The following PRCD variants were observed in gnomAD, a reference collection of about 807,000 sequenced individuals.
PRCD encodes the protein photoreceptor disk component PRCD.
Under a neutral mutation model 10.1 loss-of-function variants are expected in PRCD, and 12 were observed. That is an observed-to-expected ratio of 1.18 (90% CI 0.76 to 1.92). PRCD has a LOEUF of 1.92. PRCD is among the 40% of genes most tolerant of loss of function. PRCD has a pLI of 0.00. For missense variants in PRCD, 61 were observed against 72.2 expected, an observed-to-expected ratio of 0.84 and a Z score of 0.56; for synonymous variants, 31 against 26.2, an observed-to-expected ratio of 1.18 and a Z score of -0.56.
chr17:76,550,756 C>T (rs1346122561), intron 1 of PRCD: 1 of 152,206 alleles, frequency 6.6e-6, no homozygotes, highest in Non-Finnish European at 1.5e-5. Context: ...GCTTGTTTTG[C>T]TCACCATCTA....
At chr17:76,549,170 A>AG (rs1396352070), downstream of PRCD, among the ~76,000 whole-genome samples, 2 of 152,256 alleles carry the variant, frequency 1.3e-5, no homozygotes, top group African/African-American at 4.8e-5. Context: ...TGGAAAGACT[A>AG]GGAGTAAATA....
At chr17:76,542,448 A>G (rs1266789777) in intron 2 of PRCD, 105 bp from the exon 3 acceptor site, 9 of 1,342,426 alleles carry the variant, frequency 6.7e-6, no homozygotes, top group African/African-American at 5.7e-5. Context: ...CTGCCCCTCA[A>G]TATTGGGGTG....
chr17:76,543,167 C>G (rs1259829255), intron 4 of PRCD, 46 bp downstream of exon 4: 1 of 461,404 alleles, frequency 2.2e-6, no homozygotes, highest in Non-Finnish European at 4.5e-6. Flanking sequence ...CTCCCCTTCC[C>G]CCAGGCCCTG....
chr17:76,551,793 G>A (rs1479123356), intron 1 of PRCD: 3 of 152,086 alleles, frequency 2.0e-5, no homozygotes, highest in African/African-American at 7.2e-5. Flanking sequence ...AACATGGCAT[G>A]GTGGCTGAGA....
intron 1 of PRCD, among the ~76,000 whole-genome samples, chr17:76,534,659 C>G (rs900072002): frequency 2.6e-5 from 4 of 152,216 alleles, no homozygotes; most frequent in African/African-American, 7.2e-5. Context: ...TCCAAGATTG[C>G]CCAACAAAGT....
intron 1 of PRCD, among the ~76,000 whole-genome samples, chr17:76,534,098 TTTTTC>T (rs1308189449): frequency 1.1e-3 from 5 of 4,538 alleles, no homozygotes; most frequent in South Asian, 0.056. Context: ...ACCTTTTTTC[TTTTTC>T]TTTCTTTCTT....
intron 1 of PRCD, chr17:76,529,700 C>T: frequency 1.0e-6 from 1 of 985,390 alleles, no homozygotes; most frequent in African/African-American, 1.7e-5. Context: ...TTTCCCTGGA[C>T]CCTCTGGGTG....
At chr17:76,527,945 C>T (rs925479038) in intron 1 of PRCD, 7 of 387,162 alleles carry the variant, frequency 1.8e-5, no homozygotes, top group South Asian at 1.1e-4. Flanking sequence ...GCCGCCAAGC[C>T]GGGTTGCCCC....
downstream of PRCD, chr17:76,547,256 G>A (rs2075060868): frequency 6.6e-6 from 1 of 152,462 alleles, no homozygotes; most frequent in Admixed American, 6.5e-5. Flanking sequence ...GACAGACAGC[G>A]AGGTCATCAC....
downstream of PRCD, chr17:76,546,576 C>T (rs1045043252): frequency 2.6e-5 from 4 of 152,030 alleles, no homozygotes; most frequent in Admixed American, 6.6e-5. This position sits in a 1 kb window ranked among gnomAD's most constrained non-coding sequence, Gnocchi z 4.5. Flanking sequence ...AGAGAGCAAA[C>T]CCTGCTGGTT....
downstream of PRCD, among the ~76,000 whole-genome samples, chr17:76,549,223 C>A (rs1239408427): frequency 6.6e-6 from 1 of 152,168 alleles, no homozygotes; most frequent in African/African-American, 2.4e-5. Context: ...ATCCGGAATA[C>A]ATAAAGAACT....
At position 76,540,283 on chromosome 17, in the gene PRCD, C is replaced by A; in HGVS notation, c.74+68C>A. The A allele has an allele frequency of 6.8e-7, 1 of 1,474,242 alleles. No individual in the cohort carries two copies. The highest frequency in any genetic ancestry group is 9.3e-7 in the Non-Finnish European group (1 of 1,079,772). 91.3% of individuals were successfully genotyped at this position (1,474,242 alleles called of 1,614,324 possible). ...GGGGGGCATGGGGCTGGGCTGCCAC[C>A]AAGCTGAAGGTGGGCAGGGGCTGCG... On this transcript the variant is annotated intron_variant, in intron 1 of 4. Coordinates refer to ENST00000592014, the MANE Select transcript of PRCD (RefSeq NM_001077620.3). This position sits in a 1 kb window ranked among gnomAD's most constrained non-coding sequence, Gnocchi z 5.0.
At chr17:76,539,192 GC>G (rs902670163), upstream of PRCD, among the ~76,000 whole-genome samples, 3 of 152,208 alleles carry the variant, frequency 2.0e-5, no homozygotes, top group Admixed American at 6.5e-5. Context: ...CGTGGCCATG[GC>G]TGGCTCCATG....
chr17:76,529,678 C>A, intron 1 of PRCD: 1 of 985,416 alleles, frequency 1.0e-6, no homozygotes, highest in Non-Finnish European at 1.2e-6. Context: ...CTCCCCTCCT[C>A]TTCCCCTGTC....
At chr17:76,552,246 G>A (rs933022160) in intron 1 of PRCD, 1 of 152,006 alleles carries the variant, frequency 6.6e-6, no homozygotes, top group Non-Finnish European at 1.5e-5. Context: ...CCAGGCTGGA[G>A]TGCAGTGGTA....
chr17:76,543,963 G>A lies in PRCD; in HGVS notation c.*313G>A, dbSNP rs770885735. ...TGTGCAAGCGCGTGTGTTCCAAACG[G>A]GCAGTAGCGTGTGGGAAGGAAAAAG... On this transcript the variant is annotated 3_prime_UTR_variant, in exon 5 of 5. Transcript: ENST00000592014. The A allele has an allele frequency of 2.1e-6, 1 of 466,660 alleles. No homozygotes were observed. The highest frequency in any genetic ancestry group is 4.8e-4 in the Middle Eastern group (1 of 2,104). The allele number at this position is 466,660 out of a possible 1,614,324, so 28.9% of individuals were successfully genotyped here.
Position 76,540,360 on chromosome 17 carries a change from C to T in PRCD, c.74+145C>T, listed in dbSNP as rs1368233966. On this transcript the variant is annotated intron_variant, in intron 1 of 4. Transcript: ENST00000592014. The surrounding 1 kb of genome is among the most constrained non-coding windows in gnomAD (Gnocchi z 5.0). ...ATTTTGAGGAACCCTTGAGAGAGCA[C>T]AGTCTCAGAGCAGGGGGACTTAGAG... 1.6e-5 allele frequency: 20 copies of T among 1,276,728 alleles called. No homozygotes were observed. Among genetic ancestry groups the T allele is most frequent in the Non-Finnish European group, 2.3e-5 (20 of 888,272 alleles). 79.1% of individuals were successfully genotyped at this position (1,276,728 alleles called of 1,614,324 possible).
At chr17:76,538,656 C>T (rs537736132), upstream of PRCD, 115 of 349,970 alleles carry the variant, frequency 3.3e-4, no homozygotes, top group African/African-American at 1.4e-3. Context: ...CACCAAGGGC[C>T]CGATTCCGGG....
rs181118054 is a variant in PRCD at position 76,528,235 on chromosome 17, C to T, written n.45+402C>T. ...GTGATGTGGAGACCTGCATGCTGGC[C>T]GGGCTGATAGAAACGGGGCTGGTTT... On this transcript the variant is annotated intron_variant and non_coding_transcript_variant, in intron 1 of 4. Transcript: ENST00000397633. This position sits in a 1 kb window ranked among gnomAD's most constrained non-coding sequence, Gnocchi z 5.8. 8.5e-4 allele frequency: 337 copies of T among 398,554 alleles called. 2 individuals are homozygous for T. Among genetic ancestry groups the T allele is most frequent in the African/African-American group, 6.4e-3 (312 of 48,676 alleles). 24.7% of individuals were successfully genotyped at this position (398,554 alleles called of 1,614,324 possible).
Sources: allele counts gnomAD v4.1 joint callset (sites outside exome capture counted in the v4.1 genomes callset), GRCh38; gene constraint gnomAD v4.1.1; non-coding constraint Gnocchi (gnomAD v3.1); transcripts MANE v1.5; gene names NCBI Gene and HGNC (gene_info 2026-07-23, HGNC 2026-07-21).